Variants in KRT84 observed in about 807,000 individuals in gnomAD.
KRT84 encodes keratin, type II cuticular Hb4.
A neutral mutation model predicts 49.0 loss-of-function variants in KRT84; 38 were observed. The observed-to-expected ratio is 0.78, with a 90% CI of 0.60 to 1.02. The LOEUF (loss-of-function observed/expected upper bound fraction) is 1.02, where lower values mean the gene tolerates loss of function less well. Among genes scored for constraint, KRT84 ranks in the 50% least tolerant of loss-of-function variants. The pLI is 0.00. For synonymous variants in KRT84, 334 were observed against 312.8 expected, an observed-to-expected ratio of 1.07 and a Z score of -0.72; for missense variants, 860 against 788.6, an observed-to-expected ratio of 1.09 and a Z score of -1.08.
At chr12:52,384,990 C>T (rs763567026) in intron 1 of KRT84, 50 bp downstream of exon 1, 5 of 1,546,218 alleles carry the variant, frequency 3.2e-6, no homozygotes, top group Non-Finnish European at 4.4e-6. Context: ...CACTCTAGCG[C>T]ATTTTGGCTG....
intron 1 of KRT84, among the ~76,000 whole-genome samples, chr12:52,384,020 A>G (rs781273236): frequency 6.6e-6 from 1 of 152,226 alleles, no homozygotes. Context: ...GTTTTGAACC[A>G]TAGCACTTCA....
chr12:52,379,846 T>C (rs763157262), intron 8 of KRT84, 30 bp downstream of exon 8: 1 of 1,582,104 alleles, frequency 6.3e-7, no homozygotes, highest in Non-Finnish European at 8.7e-7. Context: ...AGGAGAGAAA[T>C]GTGTGAAGAG....
At position 52,385,254 on chromosome 12, in the gene KRT84, C is replaced by T; in HGVS notation, c.332G>A (p.Ser111Asn). Residue 111 changes from serine (S) to asparagine (N), a missense_variant, in exon 1 of 9, where the codon AGT becomes AAT. Transcript: ENST00000257951. ...GCCACCAAAGCCATAGCCAATGCCACTGCCAGCTCCAAAGCCCAGACCAAC... is the reference window on the plus strand; with the variant it reads ...GCCACCAAAGCCATAGCCAATGCCATTGCCAGCTCCAAAGCCCAGACCAAC... ...SCVGLGFGAG[S>N]GIGYGFGGPG... 1 of 1,614,164 alleles carries T rather than the reference C, an allele frequency of 6.2e-7. No individual in the cohort carries two copies. The highest frequency in any genetic ancestry group is 8.5e-7 in the Non-Finnish European group (1 of 1,180,036).
At position 52,382,993 on chromosome 12, in the gene KRT84, G is replaced by T. The variant is rs1384992635; in HGVS notation, c.816+12C>A. ...AGAGGAGAAGTTGGCCTGGTCTGTG[G>T]TTCCCCCTTACCTTCTTCAGAGCCA... On this transcript the variant is annotated intron_variant, in intron 3 of 8. Transcript: ENST00000257951. 8 of 1,612,842 alleles carry T rather than the reference G, an allele frequency of 5.0e-6. No individual in the cohort carries two copies. The highest frequency in any genetic ancestry group is 6.8e-6 in the Non-Finnish European group (8 of 1,179,198).
At chr12:52,381,676 A>G (rs1365736043) in intron 4 of KRT84, 151 bp from the exon 5 acceptor site, 1 of 769,004 alleles carries the variant, frequency 1.3e-6, no homozygotes, top group Non-Finnish European at 2.1e-6. Flanking sequence ...GATGATAAAG[A>G]AAAAGACATG....
In KRT84 at chr12:52,382,981, G is replaced by A. The variant is rs148108603; in HGVS notation, c.816+24C>T. The A allele has an allele frequency of 9.3e-5, 150 of 1,609,306 alleles. No homozygotes were observed. The African/African-American group carries it at 1.9e-3, about 21-fold the overall frequency. On this transcript the variant is annotated intron_variant, in intron 3 of 8. Transcript: ENST00000257951. ...ATTTGCCGGTCCAGAGGAGAAGTTG[G>A]CCTGGTCTGTGGTTCCCCCTTACCT...
At chr12:52,381,563 T>C in intron 4 of KRT84, 38 bp from the exon 5 acceptor site, 1 of 1,601,540 alleles carries the variant, frequency 6.2e-7, no homozygotes, top group South Asian at 1.1e-5. Context: ...GTGCTTAGAG[T>C]CTCATTTAGT....
chr12:52,383,957 G>C (rs1592148501), intron 1 of KRT84, among the ~76,000 whole-genome samples, 159 bp from the exon 2 acceptor site: 1 of 152,222 alleles, frequency 6.6e-6, no homozygotes, highest in African/African-American at 2.4e-5. Flanking sequence ...AAGCTGGAAG[G>C]GCAGGTTGTG....
chr12:52,382,582 C>T, intron 3 of KRT84, 50 bp from the exon 4 acceptor site: 2 of 1,430,798 alleles, frequency 1.4e-6, no homozygotes, highest in East Asian at 2.3e-5. Context: ...CACTGTTTCA[C>T]CTTCCCACCT....
At chr12:52,382,941 G>T in intron 3 of KRT84, 64 bp downstream of exon 3, 1 of 1,392,498 alleles carries the variant, frequency 7.2e-7, no homozygotes. Context: ...CAGTTTCCTG[G>T]GGAGTCTTGA....
At position 52,385,224 on chromosome 12, in the gene KRT84, C is replaced by T. The variant is rs79539700; in HGVS notation, c.362G>A (p.Gly121Asp). 4.8e-3 allele frequency: 7,679 copies of T among 1,613,692 alleles called. 38 individuals are homozygous for T. The highest frequency in any genetic ancestry group is 8.7e-3 in the Admixed American group (524 of 60,002). The change falls in exon 1 of 9, where the codon GGC becomes GAC. Residue 121 changes from glycine (G) to aspartate (D), a missense_variant. By Grantham distance (94) the Gly-to-Asp change is moderately conservative. Coordinates refer to ENST00000257951, the MANE Select transcript of KRT84 (RefSeq NM_033045.4). The part of the protein sequence containing the change: ...SGIGYGFGGP[G>D]FGYRVGGVGV... ...AACCCCTCCAACTCTGTAACCAAAGCCAGGGCCACCAAAGCCATAGCCAAT... is the reference window on the plus strand; with the variant it reads ...AACCCCTCCAACTCTGTAACCAAAGTCAGGGCCACCAAAGCCATAGCCAAT...
At chr12:52,385,938 A>G (rs1487024810), upstream of KRT84, among the ~76,000 whole-genome samples, 3 of 152,218 alleles carry the variant, frequency 2.0e-5, no homozygotes, top group South Asian at 2.1e-4. Context: ...GGGGACATTA[A>G]TTTGCTTTGG....
rs1208695300 is a variant in KRT84 at position 52,383,679 on chromosome 12, C to T, written c.666G>A (p.Arg222=). 6.2e-7 allele frequency: 1 copy of T among 1,614,230 alleles called. No individual in the cohort carries two copies. Among genetic ancestry groups the T allele is most frequent in the Non-Finnish European group, 8.5e-7 (1 of 1,180,050 alleles). Residue 222 remains arginine (R), a synonymous_variant, in exon 2 of 9, where the codon CGG becomes CGA. Transcript: ENST00000257951. ...CACTGACCAGCACCTCCAACTGCCTCCGCAGGTTGGTGATGTAGCTCTCGA... is the reference window on the plus strand; with the variant it reads ...CACTGACCAGCACCTCCAACTGCCTTCGCAGGTTGGTGATGTAGCTCTCGA... ...PLFESYITNL[R]RQLEVLVSDQ...
rs116248128 is a variant in KRT84 at position 52,384,962 on chromosome 12, T to A, written c.546+78A>T. The A allele has an allele frequency of 6.7e-4, 975 of 1,446,448 alleles. 4 individuals carry two copies. The African/African-American group carries it at 0.013, about 19-fold the overall frequency. The allele number at this position is 1,446,448 out of a possible 1,614,324, so 89.6% of individuals were successfully genotyped here. Reference sequence around the variant, plus strand: ...GTCAAGTCCCCAGAACCGGGCCAGTTCTTTTTAAGGGAAAGAGCACTCTAG... The same window carrying A: ...GTCAAGTCCCCAGAACCGGGCCAGTACTTTTTAAGGGAAAGAGCACTCTAG... On this transcript the variant is annotated intron_variant, in intron 1 of 8. Coordinates refer to ENST00000257951, the MANE Select transcript of KRT84 (RefSeq NM_033045.4).
At chr12:52,384,360 A>G (rs1200462653) in intron 1 of KRT84, among the ~76,000 whole-genome samples, 2 of 152,184 alleles carry the variant, frequency 1.3e-5, no homozygotes, top group Admixed American at 1.3e-4. Flanking sequence ...TCATTCTCAG[A>G]CATAACCATT....
chr12:52,382,031 C>G (rs1182664975), intron 4 of KRT84, among the ~76,000 whole-genome samples: 3 of 152,236 alleles, frequency 2.0e-5, no homozygotes, highest in Non-Finnish European at 4.4e-5. Context: ...CAATTCAGCT[C>G]TGGCTGGGCC....
At chr12:52,385,767 C>T, upstream of KRT84, 1 of 619,824 alleles carries the variant, frequency 1.6e-6, no homozygotes, top group Non-Finnish European at 2.8e-6. Flanking sequence ...TTAGCAGAAA[C>T]TCTGCATGCC....
At chr12:52,380,211 G>T in intron 7 of KRT84, 152 bp downstream of exon 7, 1 of 982,502 alleles carries the variant, frequency 1.0e-6, no homozygotes, top group South Asian at 1.7e-5. Flanking sequence ...CTGATTCCCT[G>T]ACAAGGGCAA....
intron 3 of KRT84, 114 bp downstream of exon 3, chr12:52,382,891 C>T: frequency 1.2e-6 from 1 of 831,264 alleles, no homozygotes; most frequent in South Asian, 1.4e-5. Flanking sequence ...TCTCCACTGT[C>T]TTGATGTGAG....
Sources: allele counts gnomAD v4.1 joint callset (sites outside exome capture counted in the v4.1 genomes callset), GRCh38; gene constraint gnomAD v4.1.1; transcripts MANE v1.5; gene names NCBI Gene and HGNC (gene_info 2026-07-23, HGNC 2026-07-21).